Variants in EYA2 observed in about 807,000 individuals in gnomAD.
EYA2 encodes EYA transcriptional coactivator and phosphatase 2.
A neutral mutation model predicts 69.2 loss-of-function variants in EYA2; 31 were observed. That is an observed-to-expected ratio of 0.45 (90% confidence interval 0.34 to 0.60). EYA2 has a LOEUF of 0.60. EYA2 is among the 20% of genes least tolerant of loss of function. The probability of loss-of-function intolerance (pLI) is 0.02; values close to 1 mark genes in which losing one functional copy is unlikely to be tolerated. For synonymous variants in EYA2, 257 were observed against 279.4 expected, an observed-to-expected ratio of 0.92 and a Z score of 0.80; for missense variants, 622 against 701.2, an observed-to-expected ratio of 0.89 and a Z score of 1.28.
At chr20:47,018,862 CCA>C (rs1324133580) in intron 5 of EYA2, among the ~76,000 whole-genome samples, 1 of 152,150 alleles carries the variant, frequency 6.6e-6, no homozygotes, top group African/African-American at 2.4e-5. Context: ...GATTCAGACT[CCA>C]GTTTCTCTGG....
rs147184088 is a variant in EYA2, at chr20:47,022,432, G to C, written c.415+6135G>C. Among the ~76,000 whole-genome samples the C allele has an allele frequency of 7.0e-3, 1,073 of 152,200 alleles. 7 individuals carry two copies. The highest frequency in any genetic ancestry group is 0.025 in the African/African-American group (1,018 of 41,502). Reference sequence around the variant, plus strand: ...GGATTCAAGCAATTCTCTAGCCTCAGTCTCCCAAGTAGCTGGGATTACAGG... The same window carrying C: ...GGATTCAAGCAATTCTCTAGCCTCACTCTCCCAAGTAGCTGGGATTACAGG... On this transcript the variant is annotated intron_variant, in intron 5 of 15. Coordinates refer to ENST00000327619, the MANE Select transcript of EYA2 (RefSeq NM_005244.5).
intron 9 of EYA2, among the ~76,000 whole-genome samples, chr20:47,140,294 A>G (rs1223704242): frequency 6.6e-6 from 1 of 152,004 alleles, no homozygotes; most frequent in African/African-American, 2.4e-5. Context: ...ACCCTGCCCC[A>G]TCGACTTCCA....
intron 5 of EYA2, among the ~76,000 whole-genome samples, chr20:47,060,907 G>A (rs2146452949): frequency 6.7e-6 from 1 of 149,082 alleles, no homozygotes; most frequent in South Asian, 2.1e-4. Context: ...CCAGGCTGGA[G>A]TGCAATGGTG....
At chr20:46,960,350 G>GGA (rs1466917238) in intron 1 of EYA2, among the ~76,000 whole-genome samples, 2 of 152,210 alleles carry the variant, frequency 1.3e-5, no homozygotes, top group East Asian at 3.8e-4. Context: ...TCTCAGGACT[G>GGA]TCTGATGCCA....
chr20:47,145,917 AAAAAG>A (rs1390064342), intron 10 of EYA2, among the ~76,000 whole-genome samples: 2 of 152,096 alleles, frequency 1.3e-5, no homozygotes, highest in East Asian at 1.9e-4. Flanking sequence ...AAAAAAAGTA[AAAAAG>A]AAAAGAAATG....
chr20:47,067,046 C>T (rs112160469), intron 5 of EYA2, among the ~76,000 whole-genome samples: 58 of 152,292 alleles, frequency 3.8e-4, no homozygotes, highest in African/African-American at 1.2e-3. Context: ...GCTGCCCTCA[C>T]GCTGTAGTTT....
chr20:47,159,718 G>A (rs1042674753), intron 10 of EYA2, among the ~76,000 whole-genome samples: 4 of 152,026 alleles, frequency 2.6e-5, no homozygotes, highest in Non-Finnish European at 4.4e-5. Flanking sequence ...GGCCAGCCAC[G>A]GTGGCTCATG....
intron 10 of EYA2, 141 bp downstream of exon 10, chr20:47,143,289 A>AAC (rs2033634896): frequency 2.6e-6 from 2 of 762,474 alleles, no homozygotes; most frequent in Non-Finnish European, 4.0e-6. Flanking sequence ...AACTTTTGCT[A>AAC]ACAACCCCCA....
intron 7 of EYA2, among the ~76,000 whole-genome samples, chr20:47,081,837 A>ATTGCCT (rs2146491681): frequency 6.6e-6 from 1 of 151,048 alleles, no homozygotes; most frequent in South Asian, 2.1e-4. Flanking sequence ...AAAAATGTGC[A>ATTGCCT]TTGCCTATTA....
chr20:47,038,077 A>G (rs1984820841), intron 5 of EYA2, among the ~76,000 whole-genome samples: 3 of 152,204 alleles, frequency 2.0e-5, no homozygotes, highest in Admixed American at 2.0e-4. Context: ...AGATGTATAT[A>G]TATTTTTAAT....
At chr20:47,115,352 A>G (rs2032860754) in intron 9 of EYA2, among the ~76,000 whole-genome samples, 1 of 152,112 alleles carries the variant, frequency 6.6e-6, no homozygotes, top group Non-Finnish European at 1.5e-5. Context: ...AGGGCATCAA[A>G]TTCCCAACTG....
At chr20:47,034,486 A>G (rs1984589732) in intron 5 of EYA2, among the ~76,000 whole-genome samples, 1 of 152,154 alleles carries the variant, frequency 6.6e-6, no homozygotes, top group African/African-American at 2.4e-5. Flanking sequence ...TTCCTTGCAT[A>G]AGTGTGCAAG....
chr20:46,935,173 T>C (rs892751153), intron 1 of EYA2, among the ~76,000 whole-genome samples: 1 of 152,186 alleles, frequency 6.6e-6, no homozygotes, highest in Non-Finnish European at 1.5e-5. Flanking sequence ...ACCTTTGCTA[T>C]GTAGAGTGAG....
intron 1 of EYA2, among the ~76,000 whole-genome samples, chr20:46,943,145 C>G (rs1011580703): frequency 1.3e-5 from 2 of 152,192 alleles, no homozygotes; most frequent in African/African-American, 4.8e-5. Context: ...TTGACAGCAT[C>G]TGTAGACATT....
chr20:47,072,869 A>G (rs2031367520), intron 6 of EYA2, among the ~76,000 whole-genome samples: 1 of 152,236 alleles, frequency 6.6e-6, no homozygotes. Flanking sequence ...CATTTAAAAC[A>G]GAACCACCCT....
At position 47,183,347 on chromosome 20, in the gene EYA2, G is replaced by T; in HGVS notation, c.1492G>T (p.Val498Leu). Residue 498 changes from valine (V) to leucine (L), a missense_variant, in exon 15 of 16, where the codon GTG becomes TTG. By Grantham distance (32) the Val-to-Leu change is conservative. Transcript: ENST00000327619. ...MQRFGRKAVY[V>L]VIGDGVEEEQ... Reference sequence around the variant, plus strand: ...GAGATTCGGCAGAAAAGCTGTCTACGTGGTGATCGGTGATGGTGTGGAAGA... The same window carrying T: ...GAGATTCGGCAGAAAAGCTGTCTACTTGGTGATCGGTGATGGTGTGGAAGA... 1 of 1,614,114 alleles carries T rather than the reference G, an allele frequency of 6.2e-7. No individual in the cohort carries two copies. The highest frequency in any genetic ancestry group is 8.5e-7 in the Non-Finnish European group (1 of 1,180,004).
intron 9 of EYA2, among the ~76,000 whole-genome samples, chr20:47,105,253 A>G (rs2032540206): frequency 6.6e-6 from 1 of 152,198 alleles, no homozygotes; most frequent in Non-Finnish European, 1.5e-5. Context: ...TGGTTTTAAC[A>G]TAGCCTTTGC....
chr20:46,991,282 AG>A (rs995163725), intron 2 of EYA2, among the ~76,000 whole-genome samples: 1 of 152,362 alleles, frequency 6.6e-6, no homozygotes, highest in African/African-American at 2.4e-5. Flanking sequence ...TAGGCTGCTC[AG>A]GGGGGAATCC....
intron 5 of EYA2, 30 bp from the exon 6 acceptor site, chr20:47,072,155 A>G (rs1323314839): frequency 6.2e-7 from 1 of 1,600,630 alleles, no homozygotes; most frequent in Non-Finnish European, 8.6e-7. Context: ...CAAGAACCCT[A>G]ACCTGTACCC....
Sources: allele counts gnomAD v4.1 joint callset (sites outside exome capture counted in the v4.1 genomes callset), GRCh38; gene constraint gnomAD v4.1.1; transcripts MANE v1.5; gene names NCBI Gene and HGNC (gene_info 2026-07-23, HGNC 2026-07-21).